The following ALK variants were observed in gnomAD, a reference collection of about 807,000 sequenced individuals.
ALK encodes ALK receptor tyrosine kinase, also known as ALK tyrosine kinase receptor.
A neutral mutation model predicts 163.1 loss-of-function variants in ALK; 74 were observed. The observed-to-expected ratio is 0.45, with a 90% CI of 0.38 to 0.55. The LOEUF is 0.55. Ranked by LOEUF, ALK falls within the 20% of genes least tolerant of loss-of-function variation. The probability of loss-of-function intolerance (pLI) is 0.00; values close to 1 mark genes in which losing one functional copy is unlikely to be tolerated. For missense variants in ALK, 2,063 were observed against 2,105.3 expected (o/e 0.98, Z 0.39); for synonymous variants, 960 against 843.2 (o/e 1.14, Z -2.40).
At chr2:29,212,750 A>AT (rs56047793) in intron 24 of ALK, among the ~76,000 whole-genome samples, 3 of 151,526 alleles carry the variant, frequency 2.0e-5, no homozygotes, top group Non-Finnish European at 4.4e-5. Context: ...CTTGTTGCCC[A>AT]GGCTGGAGTG....
intron 4 of ALK, among the ~76,000 whole-genome samples, chr2:29,528,001 T>A (rs1158081573): frequency 6.6e-6 from 1 of 152,222 alleles, no homozygotes; most frequent in Admixed American, 6.5e-5. Flanking sequence ...ACCACCACCC[T>A]CTGGACTGAG....
At chr2:29,714,261 C>T (rs551927312) in intron 2 of ALK, among the ~76,000 whole-genome samples, 19 of 152,164 alleles carry the variant, frequency 1.2e-4, no homozygotes, top group African/African-American at 3.6e-4. Context: ...AGTGGGCGCT[C>T]GTCATTCAAC....
intron 4 of ALK, among the ~76,000 whole-genome samples, chr2:29,502,824 G>T (rs1412261470): frequency 6.6e-6 from 1 of 152,128 alleles, no homozygotes; most frequent in Admixed American, 6.5e-5. Flanking sequence ...CAGTTTTCTT[G>T]AAGTGGAACC....
At chr2:29,800,825 A>G (rs1315688714) in intron 1 of ALK, among the ~76,000 whole-genome samples, 3 of 152,252 alleles carry the variant, frequency 2.0e-5, no homozygotes, top group African/African-American at 4.8e-5. Flanking sequence ...TGAGTCCTAA[A>G]TAAGGCAATT....
chr2:29,640,553 G>A (rs1436229077), intron 3 of ALK, among the ~76,000 whole-genome samples: 1 of 152,150 alleles, frequency 6.6e-6, no homozygotes, highest in Non-Finnish European at 1.5e-5. Flanking sequence ...GCCTATACAT[G>A]AGAAGCTGGA....
At chr2:29,205,417 A>AAACC (rs887128608) in intron 26 of ALK, among the ~76,000 whole-genome samples, 6 of 152,198 alleles carry the variant, frequency 3.9e-5, no homozygotes, top group South Asian at 2.1e-4. Context: ...GTAAAAAACA[A>AAACC]AACCAACCAA....
chr2:29,768,743 G>GTGTGTGTGTGTGTA (rs373708982), intron 1 of ALK, among the ~76,000 whole-genome samples: 23 of 150,568 alleles, frequency 1.5e-4, no homozygotes, highest in African/African-American at 5.1e-4. Flanking sequence ...GTGTGTGTGT[G>GTGTGTGTGTGTGTA]TATATATGTA....
intron 3 of ALK, among the ~76,000 whole-genome samples, chr2:29,578,565 G>A (rs1299976932): frequency 1.3e-5 from 2 of 152,182 alleles, no homozygotes; most frequent in African/African-American, 4.8e-5. Flanking sequence ...GGGCCTGTTT[G>A]GGGGTAGGGG....
intron 3 of ALK, among the ~76,000 whole-genome samples, chr2:29,619,851 C>T (rs888741858): frequency 1.2e-4 from 18 of 152,144 alleles, no homozygotes; most frequent in African/African-American, 3.1e-4. Context: ...AAGGATGGAG[C>T]GGTGCCAGGA....
chr2:29,298,953 C>T (rs1472535382), intron 8 of ALK, among the ~76,000 whole-genome samples: 2 of 152,220 alleles, frequency 1.3e-5, no homozygotes, highest in African/African-American at 2.4e-5. Flanking sequence ...GATCAAGGTT[C>T]ACCCATTCTG....
chr2:29,514,919 G>A (rs963229574), intron 4 of ALK, among the ~76,000 whole-genome samples: 1 of 152,160 alleles, frequency 6.6e-6, no homozygotes, highest in East Asian at 1.9e-4. Context: ...CTGACTTGCA[G>A]TTCCATCCTT....
intron 11 of ALK, among the ~76,000 whole-genome samples, chr2:29,267,237 T>C (rs1665245551): frequency 6.6e-6 from 1 of 151,892 alleles, no homozygotes; most frequent in African/African-American, 2.4e-5. Flanking sequence ...CCAACCACCA[T>C]ATGAGTTTGG....
At chr2:29,652,774 A>C (rs1262354437) in intron 3 of ALK, among the ~76,000 whole-genome samples, 1 of 152,156 alleles carries the variant, frequency 6.6e-6, no homozygotes, top group East Asian at 1.9e-4. Context: ...GGGTAGCTGA[A>C]CATCTGGAAC....
At chr2:29,579,200 C>T (rs1024827761) in intron 3 of ALK, among the ~76,000 whole-genome samples, 6 of 152,218 alleles carry the variant, frequency 3.9e-5, no homozygotes, top group Non-Finnish European at 5.9e-5. Flanking sequence ...GCCAATTTGC[C>T]GTGTGACCTT....
At chr2:29,213,715 C>T (rs549658347) in intron 24 of ALK, among the ~76,000 whole-genome samples, 4 of 152,144 alleles carry the variant, frequency 2.6e-5, no homozygotes, top group African/African-American at 4.8e-5. Flanking sequence ...CAGGAGCCAT[C>T]GCTCATGCCT....
In ALK at chr2:29,743,616, C is replaced by A. The variant is rs543966191; in HGVS notation, c.668-25919G>T. 1.7e-4 allele frequency among the ~76,000 whole-genome samples: 26 copies of A among 152,282 alleles called. No homozygotes were observed. The South Asian group carries it at 5.2e-3, about 30-fold the overall frequency. ...CTTTTGACAAAGTCCCTGAACATGA[C>A]CCTTAAATTGATTTTAAATCCCTCT... On this transcript the variant is annotated intron_variant, in intron 1 of 28. Transcript: ENST00000389048.
At chr2:29,575,934 G>A (rs1350897682) in intron 3 of ALK, among the ~76,000 whole-genome samples, 1 of 152,170 alleles carries the variant, frequency 6.6e-6, no homozygotes, top group African/African-American at 2.4e-5. Context: ...AACACCAGAG[G>A]TTGATGCAGA....
At chr2:29,651,924 T>G (rs1677048413) in intron 3 of ALK, among the ~76,000 whole-genome samples, 1 of 152,160 alleles carries the variant, frequency 6.6e-6, no homozygotes, top group South Asian at 2.1e-4. Context: ...TGTGCATGTA[T>G]GCAAGGGAAC....
intron 1 of ALK, among the ~76,000 whole-genome samples, chr2:29,849,162 C>A (rs1665930678): frequency 6.6e-6 from 1 of 152,218 alleles, no homozygotes. Context: ...GGCCCCTCCT[C>A]CTCAGAAAAG....
Sources: allele counts gnomAD v4.1 joint callset (sites outside exome capture counted in the v4.1 genomes callset), GRCh38; gene constraint gnomAD v4.1.1; transcripts MANE v1.5; gene names NCBI Gene and HGNC (gene_info 2026-07-23, HGNC 2026-07-21).